COQ10B: variants seen among roughly 807,000 people sequenced by gnomAD.
COQ10B encodes the protein coenzyme Q10B, also known as coenzyme Q-binding protein COQ10 homolog B, mitochondrial.
Under a neutral mutation model 27.6 loss-of-function variants are expected in COQ10B, and 12 were observed. The ratio of observed to expected loss-of-function variants is 0.43; its 90% CI spans 0.28 to 0.70. COQ10B has a LOEUF of 0.70. Ranked by LOEUF, COQ10B falls within the 30% of genes least tolerant of loss-of-function variation. The probability of loss-of-function intolerance (pLI) is 0.17; values close to 1 mark genes in which losing one functional copy is unlikely to be tolerated. For missense variants in COQ10B, 278 were observed against 288.7 expected (o/e 0.96, Z 0.27); for synonymous variants, 115 against 103.0 (o/e 1.12, Z -0.71).
In COQ10B at chr2:197,470,057, C is replaced by A; in HGVS notation, c.448-13C>A. ...GTATTTAACTGTGGTTTTATTTTTT[C>A]ATTTTGTTGTAGGCATCTTGTACTG... is the stretch of plus-strand genomic sequence containing the variant. On this transcript the variant is annotated splice_polypyrimidine_tract_variant and intron_variant, in intron 3 of 4. Coordinates refer to ENST00000263960, the MANE Select transcript of COQ10B (RefSeq NM_025147.5). 6.4e-7 allele frequency: 1 copy of A among 1,552,766 alleles called. No homozygotes were observed. Among genetic ancestry groups the A allele is most frequent in the South Asian group, 1.1e-5 (1 of 87,928 alleles).
At chr2:197,453,926 C>T in intron 1 of COQ10B, 5 of 1,537,842 alleles carry the variant, frequency 3.3e-6, no homozygotes, top group Non-Finnish European at 4.4e-6. Flanking sequence ...AGCAATTTGG[C>T]CATTGGTGCC....
chr2:197,471,965 G>T (rs1257145939), intron 4 of COQ10B, among the ~76,000 whole-genome samples: 4 of 149,978 alleles, frequency 2.7e-5, no homozygotes, highest in African/African-American at 9.8e-5. Flanking sequence ...AAGGACAATT[G>T]GGAAAATTTG....
chr2:197,457,954 T>G (rs921333753), intron 1 of COQ10B, among the ~76,000 whole-genome samples: 1 of 152,124 alleles, frequency 6.6e-6, no homozygotes, highest in Non-Finnish European at 1.5e-5. Context: ...TCATGTAGTA[T>G]TTACCTTAAG....
chr2:197,472,022 G>A (rs894694892), intron 4 of COQ10B, among the ~76,000 whole-genome samples: 5 of 151,382 alleles, frequency 3.3e-5, no homozygotes, highest in African/African-American at 1.2e-4. Flanking sequence ...TCTAGTAGTA[G>A]TAACTCCCTC....
chr2:197,456,658 G>T (rs200969943), intron 1 of COQ10B, among the ~76,000 whole-genome samples: 3 of 151,706 alleles, frequency 2.0e-5, no homozygotes, highest in Non-Finnish European at 4.4e-5. Flanking sequence ...CCAGCTACTC[G>T]GGAGGCTGAG....
At position 197,462,775 on chromosome 2, in the gene COQ10B, A is replaced by G. The variant is rs2085776157; in HGVS notation, c.447+44A>G. 9 of 1,186,708 alleles carry G rather than the reference A, an allele frequency of 7.6e-6. No homozygotes were observed. The Middle Eastern group carries it at 8.7e-4, about 114-fold the overall frequency. 73.5% of individuals were successfully genotyped at this position (1,186,708 alleles called of 1,614,324 possible). On this transcript the variant is annotated intron_variant, in intron 3 of 4. Coordinates refer to ENST00000263960, the MANE Select transcript of COQ10B (RefSeq NM_025147.5). ...GTTGTTTTTAAATATTCTTCCATAT[A>G]TTAACTTTGTCAAATGAGTTAAAAT...
At chr2:197,463,672 C>A (rs2085785630) in intron 3 of COQ10B, among the ~76,000 whole-genome samples, 1 of 150,272 alleles carries the variant, frequency 6.7e-6, no homozygotes, top group Admixed American at 6.7e-5. Context: ...GTGGCTCACG[C>A]CTGTAATCCC....
At chr2:197,453,971 T>C in intron 1 of COQ10B, 1 of 1,550,826 alleles carries the variant, frequency 6.4e-7, no homozygotes. Flanking sequence ...CTATGGCTTG[T>C]TGCTACTGCT....
chr2:197,464,611 T>G (rs753464205), intron 3 of COQ10B, among the ~76,000 whole-genome samples: 3 of 152,184 alleles, frequency 2.0e-5, no homozygotes, highest in South Asian at 4.1e-4. Context: ...TTAAACTACT[T>G]TCTGTCGTAA....
intron 3 of COQ10B, among the ~76,000 whole-genome samples, chr2:197,464,066 T>TACACAC (rs138340315): frequency 9.3e-6 from 1 of 107,282 alleles, no homozygotes; most frequent in Non-Finnish European, 2.0e-5. Flanking sequence ...TATATATATA[T>TACACAC]ACACACACAC....
Position 197,464,818 on chromosome 2 carries a change from AT to A in COQ10B, c.447+2097del, listed in dbSNP as rs201918609. ...ACCAGTGAATATTTCTATAATCTTA[AT>A]TTTTTTTTTCTATTTCCTGAGCTCA... On this transcript the variant is annotated intron_variant, in intron 3 of 4. Transcript: ENST00000263960. Among the ~76,000 whole-genome samples, 720 of 149,682 alleles carry A rather than the reference AT, an allele frequency of 4.8e-3. 15 individuals are homozygous for A. The highest frequency in any genetic ancestry group is 0.031 in the East Asian group (160 of 5,120).
At chr2:197,461,821 A>G (rs1395254458) in intron 2 of COQ10B, among the ~76,000 whole-genome samples, 2 of 151,954 alleles carry the variant, frequency 1.3e-5, no homozygotes, top group Admixed American at 6.6e-5. Flanking sequence ...TTGTATTTTT[A>G]GTAGAGACCG....
At chr2:197,458,414 T>C (rs1428881106) in intron 1 of COQ10B, among the ~76,000 whole-genome samples, 1 of 152,138 alleles carries the variant, frequency 6.6e-6, no homozygotes, top group Non-Finnish European at 1.5e-5. Context: ...TCACCCTGTC[T>C]AAAGGAGGTC....
chr2:197,453,790 A>T, intron 1 of COQ10B, 126 bp downstream of exon 1: 2 of 1,046,198 alleles, frequency 1.9e-6, no homozygotes, highest in Non-Finnish European at 2.8e-6. Flanking sequence ...TTAGAGGAGA[A>T]GGCTTTTTTT....
chr2:197,465,077 G>T (rs2085809726), intron 3 of COQ10B, among the ~76,000 whole-genome samples: 1 of 151,770 alleles, frequency 6.6e-6, no homozygotes, highest in African/African-American at 2.4e-5. Context: ...AGTAGAGACA[G>T]GGTTTCACCG....
chr2:197,454,023 T>A (rs1321784779), intron 1 of COQ10B: 1 of 1,551,162 alleles, frequency 6.4e-7, no homozygotes, highest in Non-Finnish European at 8.7e-7. Context: ...TGCCGGCTGC[T>A]GGCTGTATGG....
In COQ10B at chr2:197,474,032, C is replaced by G; in HGVS notation, c.*108C>G. On this transcript the variant is annotated 3_prime_UTR_variant, in exon 5 of 5. Coordinates refer to ENST00000263960, the MANE Select transcript of COQ10B (RefSeq NM_025147.5). Reference sequence around the variant, plus strand: ...GCCAGAAAGCATTTGTTAAACGCAGCTTTGGTTATAAACCTGCACCATTGA... The same window carrying G: ...GCCAGAAAGCATTTGTTAAACGCAGGTTTGGTTATAAACCTGCACCATTGA... 4 of 871,668 alleles carry G rather than the reference C, an allele frequency of 4.6e-6. No homozygotes were observed. Among genetic ancestry groups the G allele is most frequent in the Non-Finnish European group, 6.5e-6 (4 of 615,632 alleles). The allele number at this position is 871,668 out of a possible 1,614,324, so 54.0% of individuals were successfully genotyped here.
chr2:197,453,719 G>GTTGGGGGACCGGAAGGAT lies in COQ10B; in HGVS notation c.104+63_104+80dup, dbSNP rs1430697765. 38 of 1,448,782 alleles carry GTTGGGGGACCGGAAGGAT rather than the reference G, an allele frequency of 2.6e-5. No homozygotes were observed. In the East Asian group the frequency reaches 7.7e-4, roughly 29 times the overall value. The allele number at this position is 1,448,782 out of a possible 1,614,324, so 89.7% of individuals were successfully genotyped here. ...AGTAGTTTTCGATTTTGGCTGCCGA[G>GTTGGGGGACCGGAAGGAT]TTGGGGGACCGGAAGGATTTGGGGG... On this transcript the variant is annotated intron_variant, in intron 1 of 4. Transcript: ENST00000263960.
intron 1 of COQ10B, chr2:197,454,055 C>T: frequency 6.4e-7 from 1 of 1,551,186 alleles, no homozygotes; most frequent in Non-Finnish European, 8.7e-7. Context: ...TGGCGGTGAG[C>T]CCCCTTCTCC....
Sources: gnomAD v4.1 joint callset for allele counts (sites outside exome capture counted in the v4.1 genomes callset) on GRCh38, gnomAD v4.1.1 for gene constraint, MANE v1.5 for transcripts, NCBI Gene and HGNC (gene_info 2026-07-23, HGNC 2026-07-21) for gene names.